Variants in HCN1 observed in about 807,000 individuals in gnomAD.
HCN1 encodes potassium/sodium hyperpolarization-activated cyclic nucleotide-gated channel 1.
Under a neutral mutation model 78.9 loss-of-function variants are expected in HCN1, and 13 were observed. The observed-to-expected ratio is 0.16, with a 90% CI of 0.11 to 0.26. The LOEUF (loss-of-function observed/expected upper bound fraction) is 0.26, where lower values mean the gene tolerates loss of function less well. Ranked by LOEUF, HCN1 falls within the 10% of genes least tolerant of loss-of-function variation. The pLI is 1.00. For synonymous variants in HCN1, 552 were observed against 455.5 expected, an observed-to-expected ratio of 1.21 and a Z score of -2.70; for missense variants, 810 against 1,154.3, an observed-to-expected ratio of 0.70 and a Z score of 4.32.
chr5:45,631,944 TG>T (rs1745275515), intron 2 of HCN1, among the ~76,000 whole-genome samples: 1 of 152,162 alleles, frequency 6.6e-6, no homozygotes, highest in Admixed American at 6.6e-5. Context: ...AGATTTATAC[TG>T]GGTAGAAAGG....
intron 2 of HCN1, chr5:45,559,688 T>C (rs1290069242): frequency 1.3e-5 from 2 of 152,180 alleles, no homozygotes; most frequent in Non-Finnish European, 2.9e-5. Flanking sequence ...ATTGTTGAAA[T>C]GAGAACATGA....
intron 1 of HCN1, among the ~76,000 whole-genome samples, chr5:45,660,120 C>G (rs1367333042): frequency 8.4e-6 from 1 of 119,754 alleles, no homozygotes; most frequent in Non-Finnish European, 1.7e-5. Context: ...AGAAACCCTA[C>G]AAGCCAGAAG....
intron 2 of HCN1, among the ~76,000 whole-genome samples, chr5:45,613,803 A>T (rs1169045414): frequency 6.6e-6 from 1 of 152,162 alleles, no homozygotes; most frequent in Admixed American, 6.6e-5. Context: ...CTTCAGTAAA[A>T]TTAGAAAAAA....
intron 1 of HCN1, among the ~76,000 whole-genome samples, chr5:45,694,544 T>C (rs915673668): frequency 2.6e-5 from 4 of 152,214 alleles, no homozygotes; most frequent in African/African-American, 4.8e-5. Flanking sequence ...TACATTGCTA[T>C]ATTTATCCTA....
chr5:45,681,401 A>C (rs1739700161), intron 1 of HCN1, among the ~76,000 whole-genome samples: 1 of 152,154 alleles, frequency 6.6e-6, no homozygotes, highest in African/African-American at 2.4e-5. Context: ...TTCAGACTCA[A>C]GTTCTTTTTG....
chr5:45,500,441 C>T (rs1035562602), intron 2 of HCN1, among the ~76,000 whole-genome samples: 12 of 152,010 alleles, frequency 7.9e-5, no homozygotes, highest in South Asian at 2.1e-4. Context: ...ATGTCCTGGT[C>T]ATAGAAACAA....
At chr5:45,316,046 T>A (rs1460110177) in intron 5 of HCN1, among the ~76,000 whole-genome samples, 1 of 152,158 alleles carries the variant, frequency 6.6e-6, no homozygotes, top group Non-Finnish European at 1.5e-5. Flanking sequence ...AAAGAGGGAA[T>A]CCTACCTAAC....
chr5:45,615,994 T>C (rs1744941659), intron 2 of HCN1, among the ~76,000 whole-genome samples: 1 of 150,832 alleles, frequency 6.6e-6, no homozygotes, highest in African/African-American at 2.4e-5. Flanking sequence ...AGCACTATGC[T>C]AAATAATTTT....
chr5:45,329,777 C>T (rs571407322), intron 5 of HCN1, among the ~76,000 whole-genome samples: 1 of 151,242 alleles, frequency 6.6e-6, no homozygotes, highest in Non-Finnish European at 1.5e-5. Flanking sequence ...TTCAGAGATA[C>T]CTGTCATCCA....
At chr5:45,292,959 AAAT>A (rs1472618540) in intron 6 of HCN1, among the ~76,000 whole-genome samples, 3 of 152,092 alleles carry the variant, frequency 2.0e-5, no homozygotes, top group Admixed American at 6.6e-5. Flanking sequence ...TTTACATATG[AAAT>A]AATAATTGAA....
intron 3 of HCN1, among the ~76,000 whole-genome samples, chr5:45,438,279 T>C (rs922685761): frequency 2.0e-5 from 3 of 152,064 alleles, no homozygotes; most frequent in Non-Finnish European, 2.9e-5. Context: ...TAGAGTCCCA[T>C]GTGTTGATAC....
At chr5:45,488,900 G>T (rs1187344191) in intron 2 of HCN1, among the ~76,000 whole-genome samples, 4 of 152,176 alleles carry the variant, frequency 2.6e-5, no homozygotes, top group Non-Finnish European at 5.9e-5. Context: ...AAGCTCACCT[G>T]AAGGGCACTG....
At chr5:45,679,099 G>C (rs1007951022) in intron 1 of HCN1, among the ~76,000 whole-genome samples, 17 of 152,032 alleles carry the variant, frequency 1.1e-4, no homozygotes, top group Admixed American at 8.5e-4. Context: ...CATTGGATCA[G>C]CATATGACTG....
chr5:45,355,526 C>A (rs1746990514), intron 4 of HCN1, among the ~76,000 whole-genome samples: 1 of 151,926 alleles, frequency 6.6e-6, no homozygotes, highest in African/African-American at 2.4e-5. Flanking sequence ...CATAAGGAAG[C>A]ATGCTTGAGT....
chr5:45,287,983 G>A (rs2111879658), intron 6 of HCN1, among the ~76,000 whole-genome samples: 1 of 152,124 alleles, frequency 6.6e-6, no homozygotes, highest in African/African-American at 2.4e-5. Flanking sequence ...CATCCTCTAA[G>A]CAAACCCTAG....
At chr5:45,267,364 T>A in intron 6 of HCN1, 111 bp from the exon 7 acceptor site, 1 of 890,656 alleles carries the variant, frequency 1.1e-6, no homozygotes, top group Non-Finnish European at 1.8e-6. Flanking sequence ...AAACAATTAT[T>A]AGCAGCATTT....
chr5:45,332,004 C>G (rs997898857), intron 5 of HCN1, among the ~76,000 whole-genome samples: 1 of 151,458 alleles, frequency 6.6e-6, no homozygotes, highest in African/African-American at 2.4e-5. Context: ...ATATTTTAAA[C>G]AACAGAAAAT....
intron 4 of HCN1, among the ~76,000 whole-genome samples, chr5:45,372,727 G>T (rs954462940): frequency 7.2e-6 from 1 of 138,036 alleles, no homozygotes; most frequent in Non-Finnish European, 1.6e-5. Context: ...AAATATATAC[G>T]TATTTATATA....
At chr5:45,375,233 T>C (rs1339877392) in intron 4 of HCN1, among the ~76,000 whole-genome samples, 14 of 116,924 alleles carry the variant, frequency 1.2e-4, no homozygotes, top group East Asian at 8.8e-4. Flanking sequence ...TATTTTATAA[T>C]ATATAATATA....
Sources: gnomAD v4.1 joint callset for allele counts (sites outside exome capture counted in the v4.1 genomes callset) on GRCh38, gnomAD v4.1.1 for gene constraint, MANE v1.5 for transcripts, NCBI Gene and HGNC (gene_info 2026-07-23, HGNC 2026-07-21) for gene names.